The following RPS6KA3 variants were observed in gnomAD, a reference collection of about 807,000 sequenced individuals.
The protein encoded by RPS6KA3 is ribosomal protein S6 kinase A3, also known as ribosomal protein S6 kinase alpha-3.
In RPS6KA3, 4 loss-of-function variants were observed where a neutral mutation model predicts 67.2. The observed-to-expected ratio is 0.06, with a 90% CI of 0.03 to 0.14. RPS6KA3 has a LOEUF of 0.14. Among genes scored for constraint, RPS6KA3 ranks in the 10% least tolerant of loss-of-function variants. The pLI, the probability that RPS6KA3 is intolerant of heterozygous loss-of-function variation, is 1.00. For synonymous variants in RPS6KA3, 182 were observed against 183.7 expected (o/e 0.99, Z 0.07); for missense variants, 204 against 559.0 (o/e 0.36, Z 6.40).
chrX:20,180,974 G>A (rs765431145), intron 10 of RPS6KA3, among the ~76,000 whole-genome samples: 1 of 111,884 alleles, frequency 8.9e-6, no homozygotes, highest in African/African-American at 3.2e-5. Context: ...GTGCAGACTT[G>A]ATTTGGATCC....
chrX:20,169,302 T>C lies in RPS6KA3; in HGVS notation c.1443+100A>G, dbSNP rs2054048025. ...GGCGTGGGCCACTGTGCCCAGCCTA[T>C]GATGAGTTCTTTGTCTACCACATGA... On this transcript the variant is annotated intron_variant, in intron 16 of 21. Coordinates refer to ENST00000379565, the MANE Select transcript of RPS6KA3 (RefSeq NM_004586.3). 4 of 611,038 alleles carry C rather than the reference T, an allele frequency of 6.5e-6. No homozygotes were observed. In the Admixed American group the frequency reaches 9.0e-5, roughly 14 times the overall value. The allele number at this position is 611,038 out of a possible 1,213,427, so 50.4% of individuals were successfully genotyped here. A position where few individuals can be genotyped will look rare whatever the true frequency, so the allele number is the denominator to read the frequency against.
At chrX:20,232,402 G>A (rs1434459417) in intron 2 of RPS6KA3, among the ~76,000 whole-genome samples, 1 of 111,260 alleles carries the variant, frequency 9.0e-6, no homozygotes, top group Non-Finnish European at 1.9e-5. Context: ...GTGAAACCCC[G>A]TCTCTACCAC....
intron 7 of RPS6KA3, among the ~76,000 whole-genome samples, chrX:20,189,579 G>A (rs1358171602): frequency 8.9e-6 from 1 of 112,049 alleles, no homozygotes; most frequent in African/African-American, 3.2e-5. Context: ...AGAAAGGAGA[G>A]AGTACTAAGC....
At chrX:20,239,074 GGTCA>G (rs2069486417) in intron 1 of RPS6KA3, among the ~76,000 whole-genome samples, 1 of 111,138 alleles carries the variant, frequency 9.0e-6, no homozygotes, top group Admixed American at 9.5e-5. Context: ...TTCTAAAGCT[GGTCA>G]GTACCACATT....
At position 20,180,729 on chromosome X, in the gene RPS6KA3, C is replaced by T. The variant is rs988098411; in HGVS notation, c.846-3645G>A. ...TCTTGAGCTCCACCCTTCCTCAAAA[C>T]CCTATATAAGATTAGTGGTCTACTA... On this transcript the variant is annotated intron_variant, in intron 10 of 21. Coordinates refer to ENST00000379565, the MANE Select transcript of RPS6KA3 (RefSeq NM_004586.3). Among the ~76,000 whole-genome samples the T allele has an allele frequency of 9.8e-5, 11 of 112,321 alleles. No homozygotes were observed. The South Asian group carries it at 2.9e-3, about 30-fold the overall frequency.
At chrX:20,168,803 T>C (rs2067502610) in intron 16 of RPS6KA3, among the ~76,000 whole-genome samples, 1 of 112,421 alleles carries the variant, frequency 8.9e-6, no homozygotes, top group South Asian at 3.6e-4. Flanking sequence ...TATACACATA[T>C]AAATTGTTTT....
intron 2 of RPS6KA3, among the ~76,000 whole-genome samples, chrX:20,231,910 C>T (rs1225336149): frequency 9.0e-6 from 1 of 111,634 alleles, no homozygotes; most frequent in African/African-American, 3.3e-5. Context: ...CGAGAGCCAT[C>T]TGTTGTTTTA....
intron 5 of RPS6KA3, among the ~76,000 whole-genome samples, chrX:20,194,832 C>T (rs1299298357): frequency 9.0e-6 from 1 of 110,634 alleles, no homozygotes; most frequent in Non-Finnish European, 1.9e-5. Flanking sequence ...TTACCTGTTC[C>T]TATGGCTACC....
chrX:20,182,613 G>C (rs1453695280), intron 10 of RPS6KA3, among the ~76,000 whole-genome samples: 1 of 112,108 alleles, frequency 8.9e-6, no homozygotes, highest in Non-Finnish European at 1.9e-5. Context: ...TAATAATCAG[G>C]TTTCCACTTT....
chrX:20,246,832 C>T (rs2069703142), intron 1 of RPS6KA3, among the ~76,000 whole-genome samples: 1 of 111,996 alleles, frequency 8.9e-6, no homozygotes, highest in Non-Finnish European at 1.9e-5. Flanking sequence ...GGTACTTGCT[C>T]AAATACACAA....
Position 20,155,267 on chromosome X carries a change from G to A in RPS6KA3, c.*131C>T, listed in dbSNP as rs2067164215. 2.8e-6 allele frequency: 2 copies of A among 725,144 alleles called. No individual in the cohort carries two copies. The highest frequency in any genetic ancestry group is 4.4e-6 in the Non-Finnish European group (2 of 457,354). The allele number at this position is 725,144 out of a possible 1,213,427, so 59.8% of individuals were successfully genotyped here. A position where few individuals can be genotyped will look rare whatever the true frequency, so the allele number is the denominator to read the frequency against. ...AGAGAGGAAAGCAGGAGCAGCAGCA[G>A]GAACAGCAGCATTATGGGTACCAGC... On this transcript the variant is annotated 3_prime_UTR_variant, in exon 22 of 22. Coordinates refer to ENST00000379565, the MANE Select transcript of RPS6KA3 (RefSeq NM_004586.3).
At chrX:20,251,621 ACTTTTT>A (rs1569272953) in intron 1 of RPS6KA3, among the ~76,000 whole-genome samples, 1 of 113,192 alleles carries the variant, frequency 8.8e-6, no homozygotes, top group East Asian at 2.8e-4. Context: ...TTGATATTTT[ACTTTTT>A]CAATTGTCAT....
intron 16 of RPS6KA3, among the ~76,000 whole-genome samples, chrX:20,168,883 T>C (rs111274455): frequency 0.015 from 1,733 of 112,097 alleles, 39 homozygotes; most frequent in African/African-American, 0.053. Context: ...GACAGGGTCT[T>C]GCTCTGCTGC....
upstream of RPS6KA3, chrX:20,266,953 C>A: frequency 1.4e-6 from 1 of 732,047 alleles, no homozygotes; most frequent in South Asian, 6.9e-5. Flanking sequence ...CCGCCCCCCC[C>A]GCCGGTTCCC....
Position 20,169,440 on chromosome X carries a change from G to A in RPS6KA3, c.1405C>T (p.Arg469Cys). 2 of 1,193,224 alleles carry A rather than the reference G, an allele frequency of 1.7e-6. No individual in the cohort carries two copies. Among genetic ancestry groups the A allele is most frequent in the Non-Finnish European group, 2.3e-6 (2 of 879,439 alleles). The change falls in exon 16 of 22, where the codon CGT (arginine) becomes TGT (cysteine). Residue 469 changes from arginine to cysteine, a missense_variant. Physicochemically the swap from Arg to Cys is radical, Grantham distance 180. Transcript: ENST00000379565. Reference sequence around the variant, plus strand: ...ATAATGTTTGGATGCTGTCCATAACGAAGAAGAATTTCAATTTCTTCTGTT... The same window carrying A: ...ATAATGTTTGGATGCTGTCCATAACAAAGAAGAATTTCAATTTCTTCTGTT... ...DPTEEIEILL[R>C]YGQHPNIITL...
At chrX:20,243,838 T>G (rs1462469266) in intron 1 of RPS6KA3, among the ~76,000 whole-genome samples, 2 of 111,153 alleles carry the variant, frequency 1.8e-5, no homozygotes, top group Admixed American at 9.6e-5. Flanking sequence ...TTAATAATAT[T>G]CCATAGTAAG....
At chrX:20,225,628 TTGAG>T (rs1413882915) in intron 2 of RPS6KA3, among the ~76,000 whole-genome samples, 2 of 111,371 alleles carry the variant, frequency 1.8e-5, no homozygotes, top group African/African-American at 3.3e-5. Flanking sequence ...TTTTCCTGTG[TTGAG>T]TGAGTAATTC....
At chrX:20,252,411 CT>C (rs112131153) in intron 1 of RPS6KA3, among the ~76,000 whole-genome samples, 299 of 103,036 alleles carry the variant, frequency 2.9e-3, no homozygotes, top group Middle Eastern at 4.9e-3. Context: ...CCTATTTAAT[CT>C]TTTTTTTTTT....
intron 1 of RPS6KA3, among the ~76,000 whole-genome samples, chrX:20,237,604 A>G (rs754947725): frequency 1.3e-4 from 14 of 111,417 alleles, no homozygotes; most frequent in African/African-American, 4.5e-4. Flanking sequence ...AAATAAGGAT[A>G]CTTGTCCTAT....
Sources: allele counts gnomAD v4.1 joint callset (sites outside exome capture counted in the v4.1 genomes callset), GRCh38; gene constraint gnomAD v4.1.1; transcripts MANE v1.5; gene names NCBI Gene and HGNC (gene_info 2026-07-23, HGNC 2026-07-21).